Variants in BEND2 observed in about 807,000 individuals in gnomAD.
BEND2 encodes the protein BEN domain containing 2.
In BEND2, 19 loss-of-function variants were observed where a neutral mutation model predicts 43.8. The observed-to-expected ratio is 0.43, with a 90% CI of 0.30 to 0.64. The LOEUF is 0.64. Among genes scored for constraint, BEND2 ranks in the 30% least tolerant of loss-of-function variants. The pLI, the probability that BEND2 is intolerant of heterozygous loss-of-function variation, is 0.11. For synonymous variants in BEND2, 226 were observed against 210.1 expected (o/e 1.08, Z -0.66); for missense variants, 544 against 574.0 (o/e 0.95, Z 0.53).
intron 8 of BEND2, among the ~76,000 whole-genome samples, chrX:18,183,625 T>A (rs1924471233): frequency 8.9e-6 from 1 of 112,355 alleles, no homozygotes; most frequent in Non-Finnish European, 1.9e-5. Context: ...ATGGCATTTC[T>A]GGGCCTGCCC....
rs778064059 is a variant in BEND2 at position 18,185,414 on chromosome X, C to T, written c.1289-4764G>A. ...GGCATGGTGGCGCGTGCCTATAATC[C>T]CAGCTACTTAGAAGGCTGAGGCACG... is the stretch of plus-strand genomic sequence containing the variant. On this transcript the variant is annotated intron_variant, in intron 8 of 13. Coordinates refer to ENST00000380033, the MANE Select transcript of BEND2 (RefSeq NM_153346.5). Among the ~76,000 whole-genome samples, 18 of 108,548 alleles carry T rather than the reference C, an allele frequency of 1.7e-4. No homozygotes were observed. In the South Asian group the frequency reaches 3.3e-3, roughly 20 times the overall value. 94.3% of individuals were successfully genotyped at this position (108,548 alleles called of 115,157 possible). A position where few individuals can be genotyped will look rare whatever the true frequency, so the allele number is the denominator to read the frequency against.
chrX:18,203,860 C>A lies in BEND2; in HGVS notation c.548G>T (p.Ser183Ile), dbSNP rs75342823. Residue 183 changes from serine to isoleucine, a missense_variant, in exon 5 of 14, where the codon AGC (serine) becomes ATC (isoleucine). Ser to Ile is a moderately radical substitution (Grantham distance 142, BLOSUM62 -2). Transcript: ENST00000380033. ...AERQETHAWASPAVTSLESAA... is the reference protein window; with the variant it reads ...AERQETHAWAIPAVTSLESAA... ...TGACTCAAGAGATGTTACAGCAGGG[C>A]TGGCCCAGGCATGGGTTTCCTGCCT... 4.5e-3 allele frequency: 5,382 copies of A among 1,207,205 alleles called. 143 individuals carry two copies. The African/African-American group carries it at 0.078, about 18-fold the overall frequency.
chrX:18,201,416 A>G (rs1826083481), intron 6 of BEND2, among the ~76,000 whole-genome samples: 1 of 94,653 alleles, frequency 1.1e-5, no homozygotes, highest in East Asian at 3.3e-4. Context: ...AAAAAAAAAA[A>G]ACAAAAAAAA....
rs756621415 is a variant in BEND2 at position 18,171,112 on chromosome X, A to G, written c.2074T>C (p.Tyr692His). ...TTTGTGAAGAGTTTCTGAATAAGGT[A>G]TCTAGCCGACAGGCTTGCGCAAGAC... ...TKSCASLSAR[Y>H]LIQKLFTKDV... Residue 692 changes from tyrosine to histidine, a missense_variant, in exon 13 of 14, where the codon TAC (tyrosine) becomes CAC (histidine). Around this residue, in one of 2 missense-constraint regions of BEND2, gnomAD observed 501 missense variants for 501.6 expected, o/e 1.00. Coordinates refer to ENST00000380033, the MANE Select transcript of BEND2 (RefSeq NM_153346.5). 3.1e-5 allele frequency: 38 copies of G among 1,209,922 alleles called. No homozygotes were observed. The highest frequency in any genetic ancestry group is 4.1e-5 in the Non-Finnish European group (37 of 894,333).
chrX:18,206,698 G>A (rs900612121), intron 4 of BEND2, among the ~76,000 whole-genome samples: 5 of 111,064 alleles, frequency 4.5e-5, no homozygotes, highest in Admixed American at 9.6e-5. Context: ...GATGGGGGCA[G>A]TTGGTTGGCT....
chrX:18,191,234 A>C, intron 7 of BEND2, 126 bp from the exon 8 acceptor site: 1 of 517,332 alleles, frequency 1.9e-6, no homozygotes. Context: ...AGACATTCTC[A>C]GACAAAGAAA....
chrX:18,194,964 T>G (rs1033868894), intron 7 of BEND2, among the ~76,000 whole-genome samples: 1 of 94,857 alleles, frequency 1.1e-5, no homozygotes, highest in African/African-American at 4.8e-5. Context: ...TAAAGCTGCA[T>G]AGTACTAAAC....
chrX:18,203,575 T>C lies in BEND2; in HGVS notation c.833A>G (p.Tyr278Cys). The C allele has an allele frequency of 8.3e-7, 1 of 1,210,870 alleles. No homozygotes were observed. Among genetic ancestry groups the C allele is most frequent in the Non-Finnish European group, 1.1e-6 (1 of 894,825 alleles). Reference sequence around the variant, plus strand: ...ATTTTCATTTTCTGGTAGAGCAGAGTAATTCACCACACCAGGGTTATTTGC... The same window carrying C: ...ATTTTCATTTTCTGGTAGAGCAGAGCAATTCACCACACCAGGGTTATTTGC... Reference protein sequence around the residue: ...SLANNPGVVNYSALPENENVG... With the variant: ...SLANNPGVVNCSALPENENVG... The change falls in exon 5 of 14, where the codon TAC becomes TGC. Residue 278 changes from tyrosine (Y) to cysteine (C), a missense_variant. Around this residue, in one of 2 missense-constraint regions of BEND2, gnomAD observed 501 missense variants for 501.6 expected, o/e 1.00. Coordinates refer to ENST00000380033, the MANE Select transcript of BEND2 (RefSeq NM_153346.5).
intron 6 of BEND2, among the ~76,000 whole-genome samples, chrX:18,198,790 T>C (rs1254827474): frequency 9.2e-6 from 1 of 109,146 alleles, no homozygotes; most frequent in Non-Finnish European, 1.9e-5. Flanking sequence ...TAGCAAAGAC[T>C]TGGAACCAAC....
At chrX:18,220,275 G>A (rs1001265326) in intron 1 of BEND2, among the ~76,000 whole-genome samples, 2 of 112,279 alleles carry the variant, frequency 1.8e-5, no homozygotes, top group African/African-American at 6.5e-5. Flanking sequence ...AAGTGCGGCC[G>A]CATAGATCTG....
chrX:18,208,572 T>C (rs1393773118), intron 4 of BEND2, among the ~76,000 whole-genome samples: 3 of 111,519 alleles, frequency 2.7e-5, no homozygotes, highest in African/African-American at 9.8e-5. Context: ...AGTTTAAATA[T>C]TTATATTTTT....
chrX:18,173,040 T>G (rs1037924224), intron 12 of BEND2, among the ~76,000 whole-genome samples: 5 of 111,390 alleles, frequency 4.5e-5, no homozygotes, highest in African/African-American at 1.6e-4. Flanking sequence ...TTGTGGGAGC[T>G]TTTTTCCCCC....
Position 18,175,971 on chromosome X carries a change from C to G in BEND2, c.1752+1G>C. 8.5e-7 allele frequency: 1 copy of G among 1,183,017 alleles called. No individual in the cohort carries two copies. The highest frequency in any genetic ancestry group is 1.1e-6 in the Non-Finnish European group (1 of 880,288). ...CCATATTTAGATGAAAAATAACTTA[C>G]TGGAGTACTCTTGCCTTCAGAACAT... is the stretch of plus-strand genomic sequence containing the variant. On this transcript the variant is annotated splice_donor_variant, in intron 11 of 13. Coordinates refer to ENST00000380033, the MANE Select transcript of BEND2 (RefSeq NM_153346.5). LOFTEE classifies it high-confidence loss of function.
intron 7 of BEND2, among the ~76,000 whole-genome samples, chrX:18,193,413 T>C (rs1404984090): frequency 1.8e-5 from 2 of 111,742 alleles, no homozygotes; most frequent in Non-Finnish European, 1.9e-5. Context: ...ATCTTGGTCA[T>C]GGTGGTGGGA....
intron 1 of BEND2, among the ~76,000 whole-genome samples, chrX:18,218,977 T>A (rs1389755848): frequency 8.9e-6 from 1 of 112,305 alleles, no homozygotes; most frequent in Non-Finnish European, 1.9e-5. Flanking sequence ...TCACAATGAG[T>A]TCTGAAAACG....
At chrX:18,200,476 C>G (rs1315889678) in intron 6 of BEND2, among the ~76,000 whole-genome samples, 1 of 98,902 alleles carries the variant, frequency 1.0e-5, no homozygotes, top group Non-Finnish European at 2.0e-5. Context: ...GCATTCCAGC[C>G]TGGGCAACAG....
rs1242488925 is a variant in BEND2, at chrX:18,216,628, T to C, written c.131A>G (p.Asp44Gly). 5 of 1,206,884 alleles carry C rather than the reference T, an allele frequency of 4.1e-6. No individual in the cohort carries two copies. Among genetic ancestry groups the C allele is most frequent in the Non-Finnish European group, 5.6e-6 (5 of 891,014 alleles). ...TADNSTNDIADDSTYVTADNP... is the reference protein window; with the variant it reads ...TADNSTNDIAGDSTYVTADNP... ...ATCTGCTGTGACATAAGTGGAATCA[T>C]CTGCTATGTCATTAGTGGAATTATC... The change falls in exon 2 of 14, where the codon GAT (aspartate) becomes GGT (glycine). Residue 44 changes from aspartate to glycine, a missense_variant. Coordinates refer to ENST00000380033, the MANE Select transcript of BEND2 (RefSeq NM_153346.5).
intron 4 of BEND2, 105 bp downstream of exon 4, chrX:18,212,460 G>T (rs1188253225): frequency 5.6e-6 from 3 of 531,750 alleles, no homozygotes; most frequent in Non-Finnish European, 9.3e-6. Context: ...ACTGATTTGT[G>T]CATTTTACTG....
At chrX:18,172,705 AT>A (rs1924013617) in intron 12 of BEND2, among the ~76,000 whole-genome samples, 1 of 110,947 alleles carries the variant, frequency 9.0e-6, no homozygotes, top group South Asian at 3.9e-4. Context: ...AAAAAAAAAA[AT>A]CTTCTGAATG....
Sources: allele counts gnomAD v4.1 joint callset (sites outside exome capture counted in the v4.1 genomes callset), GRCh38; gene constraint gnomAD v4.1.1; regional missense constraint gnomAD v4.1.1; transcripts MANE v1.5; gene names NCBI Gene and HGNC (gene_info 2026-07-23, HGNC 2026-07-21).